The following SLC24A3 variants were observed in gnomAD, a reference collection of about 807,000 sequenced individuals.
The protein encoded by SLC24A3 is solute carrier family 24 member 3, also known as sodium/potassium/calcium exchanger 3.
A neutral mutation model predicts 75.8 loss-of-function variants in SLC24A3; 28 were observed. The observed-to-expected ratio is 0.37, with a 90% confidence interval of 0.27 to 0.51. The LOEUF (loss-of-function observed/expected upper bound fraction) is 0.51. Ranked by LOEUF, SLC24A3 falls within the 20% of genes least tolerant of loss-of-function variation. SLC24A3 has a pLI of 0.94. For missense variants in SLC24A3, 663 were observed against 847.8 expected, an observed-to-expected ratio of 0.78 and a Z score of 2.71; for synonymous variants, 372 against 334.1, an observed-to-expected ratio of 1.11 and a Z score of -1.24.
intron 1 of SLC24A3, among the ~76,000 whole-genome samples, chr20:19,214,808 C>T (rs963364665): frequency 5.9e-5 from 9 of 152,106 alleles, no homozygotes; most frequent in South Asian, 2.1e-4. Context: ...CGGCCTTTTC[C>T]GCATCCCTCC....
chr20:19,593,532 C>A (rs6046200), intron 6 of SLC24A3, among the ~76,000 whole-genome samples: 36,406 of 152,162 alleles, frequency 0.24, 4,434 homozygotes, highest in Middle Eastern at 0.29. Context: ...TTGATCCTTT[C>A]AATAACTCCT....
intron 6 of SLC24A3, among the ~76,000 whole-genome samples, chr20:19,649,699 A>T (rs954892485): frequency 5.3e-5 from 8 of 152,160 alleles, no homozygotes; most frequent in African/African-American, 1.9e-4. Context: ...GAGAAAGGAA[A>T]ATCCCCATGG....
intron 2 of SLC24A3, among the ~76,000 whole-genome samples, chr20:19,408,342 T>C (rs574075885): frequency 6.6e-6 from 1 of 152,164 alleles, no homozygotes; most frequent in South Asian, 2.1e-4. Flanking sequence ...ACCCGTATAA[T>C]AATTTTCCCC....
chr20:19,238,032 A>T (rs1982217931), intron 1 of SLC24A3, among the ~76,000 whole-genome samples: 1 of 152,188 alleles, frequency 6.6e-6, no homozygotes, highest in African/African-American at 2.4e-5. Flanking sequence ...ACTTTTTTTA[A>T]AGTTCAATAT....
chr20:19,329,483 G>A (rs1463159480), intron 2 of SLC24A3, among the ~76,000 whole-genome samples: 2 of 152,176 alleles, frequency 1.3e-5, no homozygotes, highest in Non-Finnish European at 2.9e-5. Context: ...GTCCAGTTTA[G>A]TTCAGCTATT....
chr20:19,258,096 A>G (rs1982869900), intron 1 of SLC24A3, among the ~76,000 whole-genome samples: 1 of 152,216 alleles, frequency 6.6e-6, no homozygotes, highest in Non-Finnish European at 1.5e-5. Context: ...TCCTGTTTGG[A>G]ATGCCGTTCC....
intron 2 of SLC24A3, among the ~76,000 whole-genome samples, chr20:19,387,998 G>A (rs1012336389): frequency 2.6e-5 from 4 of 151,898 alleles, no homozygotes; most frequent in Admixed American, 6.6e-5. Context: ...TATCTATGGG[G>A]TACAAGAGAT....
chr20:19,718,881 G>T (rs945312741), intron 16 of SLC24A3, among the ~76,000 whole-genome samples: 2 of 151,618 alleles, frequency 1.3e-5, no homozygotes, highest in African/African-American at 4.9e-5. Context: ...TTAAAGCCCT[G>T]CAGTTGGGAG....
chr20:19,677,314 A>T (rs900453728), intron 9 of SLC24A3, among the ~76,000 whole-genome samples: 3 of 151,900 alleles, frequency 2.0e-5, no homozygotes, highest in African/African-American at 7.3e-5. Context: ...AAAAAAGCAA[A>T]CCTTTATGCA....
chr20:19,357,981 C>G (rs1020128217), intron 2 of SLC24A3, among the ~76,000 whole-genome samples: 2 of 152,234 alleles, frequency 1.3e-5, no homozygotes, highest in Non-Finnish European at 2.9e-5. Context: ...TTAATCATCA[C>G]TTACCATTTA....
At chr20:19,317,591 C>T (rs1165303059) in intron 2 of SLC24A3, among the ~76,000 whole-genome samples, 5 of 152,212 alleles carry the variant, frequency 3.3e-5, no homozygotes, top group Admixed American at 6.5e-5. Context: ...AACAGCTTCC[C>T]ATCCCCCGCC....
At chr20:19,349,258 C>A (rs1046561170) in intron 2 of SLC24A3, among the ~76,000 whole-genome samples, 1 of 152,220 alleles carries the variant, frequency 6.6e-6, no homozygotes, top group Admixed American at 6.5e-5. Flanking sequence ...ATCCTCTCTC[C>A]TTGCATCAGT....
chr20:19,436,761 G>T (rs1277924784), intron 2 of SLC24A3, among the ~76,000 whole-genome samples: 2 of 152,168 alleles, frequency 1.3e-5, no homozygotes, highest in East Asian at 3.8e-4. Context: ...AAACCCCAAA[G>T]AAGGGCTCTG....
chr20:19,384,948 C>A (rs1337629233), intron 2 of SLC24A3, among the ~76,000 whole-genome samples: 1 of 152,092 alleles, frequency 6.6e-6, no homozygotes, highest in African/African-American at 2.4e-5. Flanking sequence ...ACCTGCTGGC[C>A]ATTTTTATCA....
chr20:19,579,276 G>A (rs1271326037), intron 3 of SLC24A3, among the ~76,000 whole-genome samples: 1 of 152,198 alleles, frequency 6.6e-6, no homozygotes, highest in Non-Finnish European at 1.5e-5. Flanking sequence ...CATGCGGTTG[G>A]ATACAGTGGA....
rs948950101 is a variant in SLC24A3 at position 19,222,252 on chromosome 20, A to C, written c.142+9268A>C. 1.4e-4 allele frequency among the ~76,000 whole-genome samples: 22 copies of C among 152,080 alleles called. No homozygotes were observed. In the East Asian group the frequency reaches 4.1e-3, roughly 28 times the overall value. On this transcript the variant is annotated intron_variant, in intron 1 of 16. Coordinates refer to ENST00000328041, the MANE Select transcript of SLC24A3 (RefSeq NM_020689.4). ...GTAGTATTGAGGTTTTCTTTTCCCC[A>C]TATGGACTCTTTTTTCAAGTTGCTG...
intron 2 of SLC24A3, among the ~76,000 whole-genome samples, chr20:19,343,153 C>CATGG (rs1985314141): frequency 6.6e-6 from 1 of 151,420 alleles, no homozygotes; most frequent in East Asian, 1.9e-4. Flanking sequence ...TTTGTGGAGG[C>CATGG]ATGGAGTAGT....
chr20:19,438,185 G>A (rs531323475), intron 2 of SLC24A3, among the ~76,000 whole-genome samples: 13 of 152,280 alleles, frequency 8.5e-5, no homozygotes, highest in East Asian at 5.8e-4. Context: ...GGCATCAGGC[G>A]CTCAGCTGTG....
chr20:19,573,805 T>A (rs903962329), intron 3 of SLC24A3, among the ~76,000 whole-genome samples: 1 of 152,198 alleles, frequency 6.6e-6, no homozygotes, highest in African/African-American at 2.4e-5. Context: ...CATGACTAGA[T>A]CCAAGAAGGC....
Sources: allele counts gnomAD v4.1 joint callset (sites outside exome capture counted in the v4.1 genomes callset), GRCh38; gene constraint gnomAD v4.1.1; transcripts MANE v1.5; gene names NCBI Gene and HGNC (gene_info 2026-07-23, HGNC 2026-07-21).